CARD14: variants seen among roughly 807,000 people sequenced by gnomAD.
CARD14 encodes the protein caspase recruitment domain-containing protein 14.
A neutral mutation model predicts 111.5 loss-of-function variants in CARD14; 107 were observed. The ratio of observed to expected loss-of-function variants is 0.96; its 90% confidence interval spans 0.82 to 1.13. The LOEUF is 1.13. Ranked by LOEUF, CARD14 falls within the 50% of genes most tolerant of loss-of-function variation. The probability of loss-of-function intolerance (pLI) is 0.00; values close to 1 mark genes in which losing one functional copy is unlikely to be tolerated. For synonymous variants in CARD14, 617 were observed against 579.6 expected (o/e 1.06, Z -0.93); for missense variants, 1,322 against 1,362.3 (o/e 0.97, Z 0.47).
At chr17:80,175,449 T>G (rs1354992714) in intron 2 of CARD14, among the ~76,000 whole-genome samples, 1 of 152,188 alleles carries the variant, frequency 6.6e-6, no homozygotes, top group African/African-American at 2.4e-5. Context: ...TTGGGTTTGA[T>G]CTGGAGACTT....
In CARD14 at chr17:80,204,286, C is replaced by G; in HGVS notation, c.2343C>G (p.Ala781=). ...VRIVSMDKAK[A]SPLRLSFDRG... Reference sequence around the variant, plus strand: ...TCGTCAGTATGGACAAAGCCAAGGCCAGCCCTCTGCGTTTGTCCTTTGACA... The same window carrying G: ...TCGTCAGTATGGACAAAGCCAAGGCGAGCCCTCTGCGTTTGTCCTTTGACA... The change falls in exon 20 of 24, where the codon GCC becomes GCG. Residue 781 remains alanine, a synonymous_variant. Transcript: ENST00000648509. 1 of 1,601,382 alleles carries G rather than the reference C, an allele frequency of 6.2e-7. No individual in the cohort carries two copies. Among genetic ancestry groups the G allele is most frequent in the Non-Finnish European group, 8.5e-7 (1 of 1,170,866 alleles).
chr17:80,204,338 G>A lies in CARD14; in HGVS notation c.2395G>A (p.Glu799Lys). ...GGGCCAGTTGGACCCCAGCAGGATG[G>A]AGGGTGAGGCCTGGTGAGCTGGCAC... ...DRGQLDPSRM[E>K]GSSTCFWAES... The change falls in exon 20 of 24, where the codon GAG (glutamate) becomes AAG (lysine). Residue 799 changes from glutamate (E) to lysine (K), a missense_variant. Physicochemically the swap from Glu to Lys is moderately conservative, Grantham distance 56. Coordinates refer to ENST00000648509, the MANE Select transcript of CARD14 (RefSeq NM_001366385.1). 6.4e-7 allele frequency: 1 copy of A among 1,569,144 alleles called. No homozygotes were observed. Among genetic ancestry groups the A allele is most frequent in the Non-Finnish European group, 8.7e-7 (1 of 1,151,960 alleles).
intron 12 of CARD14, among the ~76,000 whole-genome samples, chr17:80,194,178 T>C (rs914986784): frequency 1.3e-5 from 2 of 152,006 alleles, no homozygotes; most frequent in African/African-American, 4.8e-5. Context: ...CTCACTCCTC[T>C]GTCCATGCCA....
chr17:80,188,583 C>T lies in CARD14; in HGVS notation c.843+39C>T, dbSNP rs563102415. On this transcript the variant is annotated intron_variant, in intron 8 of 23. Transcript: ENST00000648509. This position sits in a 1 kb window ranked among gnomAD's most constrained non-coding sequence, Gnocchi z 4.5. ...CCCGCAGCAGAGAGCGGCCTCCTGC[C>T]TTGGGGGCTTGGCCCTCAGGCTGTG... The T allele has an allele frequency of 7.0e-7, 1 of 1,419,138 alleles. No homozygotes were observed. The highest frequency in any genetic ancestry group is 2.8e-5 in the Admixed American group (1 of 35,758). 87.9% of individuals were successfully genotyped at this position (1,419,138 alleles called of 1,614,324 possible). A position where few individuals can be genotyped will look rare whatever the true frequency, so the allele number is the denominator to read the frequency against.
chr17:80,183,753 T>C (rs2040245655), intron 6 of CARD14, among the ~76,000 whole-genome samples, 160 bp from the exon 7 acceptor site: 2 of 148,824 alleles, frequency 1.3e-5, no homozygotes, highest in South Asian at 4.4e-4. Flanking sequence ...CCCGCCCACA[T>C]GCTCAGCTGC....
chr17:80,181,390 A>G, intron 4 of CARD14, 29 bp from the exon 5 acceptor site: 1 of 1,521,254 alleles, frequency 6.6e-7, no homozygotes, highest in Non-Finnish European at 8.9e-7. Flanking sequence ...CTTACCTGAC[A>G]ACTCCACCCC....
intron 7 of CARD14, among the ~76,000 whole-genome samples, chr17:80,186,894 A>C (rs1047531946): frequency 1.3e-5 from 2 of 152,208 alleles, no homozygotes; most frequent in Non-Finnish European, 1.5e-5. Context: ...AGGTGTGTCC[A>C]TCACTACTAG....
intron 3 of CARD14, 77 bp from the exon 4 acceptor site, chr17:80,179,027 T>C (rs2040090774): frequency 6.6e-6 from 1 of 152,326 alleles, no homozygotes; most frequent in South Asian, 2.1e-4. Flanking sequence ...ATTACAGGCA[T>C]GAGCCACTGG....
intron 11 of CARD14, 180 bp from the exon 12 acceptor site, chr17:80,192,323 C>A: frequency 1.7e-6 from 1 of 574,682 alleles, no homozygotes; most frequent in Admixed American, 3.0e-5. Context: ...CTTTGATTGG[C>A]AGCGCCTGTG....
rs1440916808 is a variant in CARD14, at chr17:80,188,960, A to T, written c.843+416A>T. ...CAGCTATTCGGGAGGCTGAGGTGGGAGGATCGCTTGACCCTGGGAGTTTCA... is the reference window on the plus strand; with the variant it reads ...CAGCTATTCGGGAGGCTGAGGTGGGTGGATCGCTTGACCCTGGGAGTTTCA... On this transcript the variant is annotated intron_variant, in intron 8 of 23. Coordinates refer to ENST00000648509, the MANE Select transcript of CARD14 (RefSeq NM_001366385.1). The surrounding 1 kb of genome is among the most constrained non-coding windows in gnomAD (Gnocchi z 4.5). 6.5e-6 allele frequency: 1 copy of T among 153,276 alleles called. No individual in the cohort carries two copies. The highest frequency in any genetic ancestry group is 1.5e-5 in the Non-Finnish European group (1 of 68,874). The allele number at this position is 153,276 out of a possible 1,614,324, so 9.5% of individuals were successfully genotyped here.
chr17:80,181,217 C>T (rs1243194383), intron 4 of CARD14, among the ~76,000 whole-genome samples: 1 of 152,102 alleles, frequency 6.6e-6, no homozygotes, highest in African/African-American at 2.4e-5. Context: ...GGCACTCAAC[C>T]TTACACAGAG....
chr17:80,186,377 G>A (rs2040345089), intron 7 of CARD14, among the ~76,000 whole-genome samples: 1 of 152,122 alleles, frequency 6.6e-6, no homozygotes, highest in African/African-American at 2.4e-5. Context: ...ACCCAGATGT[G>A]ACCAATGGAA....
rs934076777 is a variant in CARD14, at chr17:80,208,611, T to C, written c.*266T>C. ...CTGAACTGGAAACCCTGAGAATGTT[T>C]CTGCAGTGGGACAGGAGGGACGTCT... On this transcript the variant is annotated 3_prime_UTR_variant, in exon 24 of 24. Transcript: ENST00000648509. 3 of 418,970 alleles carry C rather than the reference T, an allele frequency of 7.2e-6. No individual in the cohort carries two copies. The highest frequency in any genetic ancestry group is 1.3e-5 in the Non-Finnish European group (3 of 237,056). 26.0% of individuals were successfully genotyped at this position (418,970 alleles called of 1,614,324 possible). A position where few individuals can be genotyped will look rare whatever the true frequency, so the allele number is the denominator to read the frequency against.
In CARD14 at chr17:80,182,621, T is replaced by C; in HGVS notation, c.212-32T>C. The C allele has an allele frequency of 1.2e-6, 2 of 1,611,776 alleles. No homozygotes were observed. The highest frequency in any genetic ancestry group is 1.7e-6 in the Non-Finnish European group (2 of 1,179,064). On this transcript the variant is annotated intron_variant, in intron 5 of 23. Transcript: ENST00000648509. This position sits in a 1 kb window ranked among gnomAD's most constrained non-coding sequence, Gnocchi z 4.7. ...GAGCCCAGCCCCCTTGGTAGCTGGG[T>C]TCTGCCCAGACAGACGGTTCTGCCT...
Position 80,200,441 on chromosome 17 carries a change from T to TG in CARD14, c.1852-1301dup, listed in dbSNP as rs2040914033. ...TAGTAGAGACAGGGCTTCACCATGTTGGCCAGGCTGATCTCGAACTCCTGA... is the reference window on the plus strand; with the variant it reads ...TAGTAGAGACAGGGCTTCACCATGTTGGGCCAGGCTGATCTCGAACTCCTGA... On this transcript the variant is annotated intron_variant, in intron 16 of 23. Transcript: ENST00000648509. Among the ~76,000 whole-genome samples, 3 of 151,950 alleles carry TG rather than the reference T, an allele frequency of 2.0e-5. No homozygotes were observed. In the South Asian group the frequency reaches 6.2e-4, roughly 32 times the overall value.
intron 4 of CARD14, among the ~76,000 whole-genome samples, chr17:80,180,555 G>A (rs1266597044): frequency 1.3e-5 from 2 of 152,180 alleles, no homozygotes; most frequent in African/African-American, 4.8e-5. Flanking sequence ...ACCACCTGCT[G>A]CGTAGTTGAA....
At position 80,192,539 on chromosome 17, in the gene CARD14, C is replaced by G; in HGVS notation, c.1276C>G (p.Arg426Gly). Reference sequence around the variant, plus strand: ...AGCCAGGACCAGGGAGCCCTGTCCACGGGAGAAGCAGCGGCTGGTGCGGAT... The same window carrying G: ...AGCCAGGACCAGGGAGCCCTGTCCAGGGGAGAAGCAGCGGCTGGTGCGGAT... ...QEARTREPCP[R>G]EKQRLVRMHA... Residue 426 changes from arginine (R) to glycine (G), a missense_variant, in exon 12 of 24, where the codon CGG (arginine) becomes GGG (glycine). Coordinates refer to ENST00000648509, the MANE Select transcript of CARD14 (RefSeq NM_001366385.1). 1 of 1,613,682 alleles carries G rather than the reference C, an allele frequency of 6.2e-7. No individual in the cohort carries two copies. Among genetic ancestry groups the G allele is most frequent in the Non-Finnish European group, 8.5e-7 (1 of 1,179,850 alleles).
chr17:80,187,940 G>T, intron 7 of CARD14: 1 of 986,116 alleles, frequency 1.0e-6, no homozygotes, highest in African/African-American at 1.7e-5. Flanking sequence ...CTACCCCTCC[G>T]ACCTGACTTT....
intron 18 of CARD14, chr17:80,202,697 G>T (rs11150849): frequency 1.0e-4 from 108 of 1,072,426 alleles, no homozygotes; most frequent in Non-Finnish European, 1.2e-4. Flanking sequence ...TTTGGGGCTG[G>T]ATCCCCGTCT....
Sources: gnomAD v4.1 joint callset for allele counts (sites outside exome capture counted in the v4.1 genomes callset) on GRCh38, gnomAD v4.1.1 for gene constraint, Gnocchi (gnomAD v3.1) non-coding constraint, MANE v1.5 for transcripts, NCBI Gene and HGNC (gene_info 2026-07-23, HGNC 2026-07-21) for gene names.